SGCZ: variants seen among roughly 807,000 people sequenced by gnomAD.
The protein encoded by SGCZ is sarcoglycan zeta.
In SGCZ, 40 loss-of-function variants were observed where a neutral mutation model predicts 41.3. That is an observed-to-expected ratio of 0.97 (90% confidence interval 0.75 to 1.26). The LOEUF is 1.26. Ranked by LOEUF, SGCZ falls within the 50% of genes most tolerant of loss-of-function variation. SGCZ has a pLI of 0.00. For missense variants in SGCZ, 552 were observed against 369.8 expected, an observed-to-expected ratio of 1.49 and a Z score of -4.04; for synonymous variants, 206 against 137.5, an observed-to-expected ratio of 1.50 and a Z score of -3.49.
chr8:15,111,003 T>A (rs1233311853), intron 1 of SGCZ, among the ~76,000 whole-genome samples: 1 of 152,022 alleles, frequency 6.6e-6, no homozygotes, highest in Admixed American at 6.6e-5. Flanking sequence ...GCAAGAATTT[T>A]TAAAATAGCA....
At chr8:14,319,766 C>T (rs545435460) in intron 3 of SGCZ, among the ~76,000 whole-genome samples, 1 of 152,006 alleles carries the variant, frequency 6.6e-6, no homozygotes, top group East Asian at 1.9e-4. Flanking sequence ...TATCAACAAA[C>T]TGGAAATGAA....
intron 2 of SGCZ, among the ~76,000 whole-genome samples, chr8:14,427,037 T>G (rs1312549664): frequency 8.4e-6 from 1 of 119,718 alleles, no homozygotes; most frequent in South Asian, 2.2e-4. Flanking sequence ...ATTAAATGAA[T>G]GAATGAATGA....
At chr8:14,740,004 G>A (rs941153983) in intron 1 of SGCZ, among the ~76,000 whole-genome samples, 17 of 152,010 alleles carry the variant, frequency 1.1e-4, no homozygotes, top group African/African-American at 4.1e-4. Flanking sequence ...CACATCTATA[G>A]GCCTTATTAC....
At chr8:14,298,498 A>T (rs1040636634) in intron 3 of SGCZ, among the ~76,000 whole-genome samples, 37 of 152,020 alleles carry the variant, frequency 2.4e-4, no homozygotes, top group African/African-American at 8.7e-4. Flanking sequence ...GTGCTATAAA[A>T]TATACCATCA....
intron 1 of SGCZ, among the ~76,000 whole-genome samples, chr8:15,206,763 G>GA (rs1801081530): frequency 6.6e-6 from 1 of 150,892 alleles, no homozygotes; most frequent in Admixed American, 6.6e-5. Context: ...AGTCTTTAAT[G>GA]AGCAACTAAA....
chr8:14,938,111 TG>T lies in SGCZ; in HGVS notation c.39+299473del, dbSNP rs912243781. ...AATGATGCATATTATATTTGTAAAA[TG>T]TTTTTTGGTGTTGTTCACTGTTTTA... On this transcript the variant is annotated intron_variant, in intron 1 of 7. Transcript: ENST00000382080. Among the ~76,000 whole-genome samples the T allele has an allele frequency of 1.1e-4, 16 of 152,302 alleles. 1 individual carries two copies. The highest frequency in any genetic ancestry group is 3.6e-4 in the African/African-American group (15 of 41,580).
At chr8:14,658,913 G>T (rs576823149) in intron 1 of SGCZ, among the ~76,000 whole-genome samples, 1 of 152,002 alleles carries the variant, frequency 6.6e-6, no homozygotes, top group Admixed American at 6.6e-5. Context: ...GGAAAGGAAG[G>T]AGGGAAGGGA....
chr8:15,021,763 G>A (rs1803256829), intron 1 of SGCZ, among the ~76,000 whole-genome samples: 1 of 152,092 alleles, frequency 6.6e-6, no homozygotes, highest in South Asian at 2.1e-4. Flanking sequence ...ATTCTTTCTA[G>A]CCAAATGGTC....
chr8:14,804,078 T>C lies in SGCZ; in HGVS notation c.40-249152A>G, dbSNP rs761324344. Among the ~76,000 whole-genome samples, 62 of 108,630 alleles carry C rather than the reference T, an allele frequency of 5.7e-4. 1 individual carries two copies. The highest frequency in any genetic ancestry group is 8.9e-4 in the Non-Finnish European group (51 of 57,330). The allele number at this position is 108,630 out of a possible 152,430, so 71.3% of individuals were successfully genotyped here. A position where few individuals can be genotyped will look rare whatever the true frequency, so the allele number is the denominator to read the frequency against. ...GACATCCACACCGAAAACCCATCTG[T>C]ACATCACCATCATCAAAGACCAAAA... On this transcript the variant is annotated intron_variant, in intron 1 of 7. Coordinates refer to ENST00000382080, the MANE Select transcript of SGCZ (RefSeq NM_139167.4).
intron 2 of SGCZ, among the ~76,000 whole-genome samples, chr8:14,507,840 C>T (rs1438913856): frequency 1.3e-5 from 2 of 149,784 alleles, no homozygotes; most frequent in African/African-American, 4.9e-5. Context: ...GGCGCGATCT[C>T]AGCTTACCGC....
intron 1 of SGCZ, among the ~76,000 whole-genome samples, chr8:15,051,163 T>C (rs954072431): frequency 2.6e-5 from 4 of 152,106 alleles, no homozygotes; most frequent in African/African-American, 7.2e-5. Context: ...CTTCTTCAGA[T>C]GCATCCAAAT....
At chr8:14,864,246 AT>A (rs149760232) in intron 1 of SGCZ, among the ~76,000 whole-genome samples, 6,097 of 151,774 alleles carry the variant, frequency 0.04, 155 homozygotes, top group African/African-American at 0.078. Flanking sequence ...CATGTTTCCT[AT>A]TTTTTTTCTA....
intron 2 of SGCZ, among the ~76,000 whole-genome samples, chr8:14,344,438 A>G (rs1391158105): frequency 6.6e-6 from 1 of 152,132 alleles, no homozygotes; most frequent in African/African-American, 2.4e-5. Context: ...TACATTAACT[A>G]TAGAATAACA....
intron 2 of SGCZ, among the ~76,000 whole-genome samples, chr8:14,356,295 T>C (rs893895639): frequency 6.6e-6 from 1 of 152,184 alleles, no homozygotes; most frequent in Non-Finnish European, 1.5e-5. Context: ...CCGTCGTAAG[T>C]TAAGAGCCTC....
intron 2 of SGCZ, among the ~76,000 whole-genome samples, chr8:14,372,865 T>C (rs2117166518): frequency 6.6e-6 from 1 of 152,274 alleles, no homozygotes; most frequent in African/African-American, 2.4e-5. Flanking sequence ...GCAGTAGCAG[T>C]TCACGAGGGA....
intron 1 of SGCZ, among the ~76,000 whole-genome samples, chr8:14,633,246 A>C (rs1424483790): frequency 6.6e-6 from 1 of 152,100 alleles, no homozygotes; most frequent in Admixed American, 6.6e-5. Context: ...GTATATAGAC[A>C]GCACAGTTTA....
At chr8:14,156,025 A>T (rs560803333) in intron 5 of SGCZ, among the ~76,000 whole-genome samples, 9 of 152,222 alleles carry the variant, frequency 5.9e-5, no homozygotes, top group Non-Finnish European at 1.2e-4. Flanking sequence ...ACACCCCTAT[A>T]GGGCACTTCT....
At chr8:14,719,176 C>T (rs1269425497) in intron 1 of SGCZ, among the ~76,000 whole-genome samples, 1 of 150,690 alleles carries the variant, frequency 6.6e-6, no homozygotes, top group East Asian at 2.0e-4. Context: ...CTACAAAGGA[C>T]ATGAACTCAT....
chr8:15,088,876 T>G (rs1806048058), intron 1 of SGCZ, among the ~76,000 whole-genome samples: 1 of 152,192 alleles, frequency 6.6e-6, no homozygotes, highest in Admixed American at 6.6e-5. Context: ...ATGGTTTGTT[T>G]TAGCTTTCCT....
Sources: allele counts gnomAD v4.1 joint callset (sites outside exome capture counted in the v4.1 genomes callset), GRCh38; gene constraint gnomAD v4.1.1; transcripts MANE v1.5; gene names NCBI Gene and HGNC (gene_info 2026-07-23, HGNC 2026-07-21).